SP140: variants seen among roughly 807,000 people sequenced by gnomAD.
The protein encoded by SP140 is nuclear body protein SP140.
Under a neutral mutation model 125.0 loss-of-function variants are expected in SP140, and 81 were observed. The ratio of observed to expected loss-of-function variants is 0.65; its 90% CI spans 0.54 to 0.78. SP140 has a LOEUF of 0.78. SP140 is among the 30% of genes least tolerant of loss of function. SP140 has a pLI of 0.00. For missense variants in SP140, 858 were observed against 1,037.0 expected, an observed-to-expected ratio of 0.83 and a Z score of 2.37; for synonymous variants, 312 against 354.0, an observed-to-expected ratio of 0.88 and a Z score of 1.33.
downstream of SP140, among the ~76,000 whole-genome samples, chr2:230,314,600 T>C (rs1339893880): frequency 6.6e-6 from 1 of 152,174 alleles, no homozygotes; most frequent in Non-Finnish European, 1.5e-5. Context: ...ACACATTAAA[T>C]CAAGTGGAAG....
At chr2:230,302,978 A>C (rs1327444319) in intron 22 of SP140, among the ~76,000 whole-genome samples, 1 of 152,190 alleles carries the variant, frequency 6.6e-6, no homozygotes, top group Non-Finnish European at 1.5e-5. Context: ...CAAATAGACA[A>C]TCTAAGTTCA....
rs1349741213 is a variant in SP140, at chr2:230,287,741, T to C, written c.1646-151T>C. The C allele has an allele frequency of 2.1e-5, 12 of 570,518 alleles. No homozygotes were observed. The South Asian group carries it at 4.2e-4, about 20-fold the overall frequency. The allele number at this position is 570,518 out of a possible 1,614,324, so 35.3% of individuals were successfully genotyped here. ...AACCTAACATTAGCTATCTAATTCT[T>C]CATACCTTAAAGGCTAGGGTTTAAA... On this transcript the variant is annotated intron_variant, in intron 17 of 26. Coordinates refer to ENST00000392045, the MANE Select transcript of SP140 (RefSeq NM_007237.5).
intron 9 of SP140, among the ~76,000 whole-genome samples, chr2:230,249,969 C>T (rs753491265): frequency 7.2e-5 from 11 of 152,316 alleles, no homozygotes; most frequent in Admixed American, 3.3e-4. Flanking sequence ...TACATGTCTG[C>T]GATGCAGACC....
At chr2:230,291,690 G>T (rs2149484852) in intron 19 of SP140, among the ~76,000 whole-genome samples, 1 of 152,182 alleles carries the variant, frequency 6.6e-6, no homozygotes, top group East Asian at 1.9e-4. Context: ...TCCACTCTTT[G>T]GCTATTATAA....
chr2:230,253,434 T>C lies in SP140; in HGVS notation c.1159+17T>C, dbSNP rs1451258973. ...AAGGAGAAGGTAATTATGATGTACA[T>C]TTTTAGGTATTTGAGTACATCTTTG... is the stretch of plus-strand genomic sequence containing the variant. On this transcript the variant is annotated intron_variant, in intron 11 of 26. Coordinates refer to ENST00000392045, the MANE Select transcript of SP140 (RefSeq NM_007237.5). 1 of 1,551,048 alleles carries C rather than the reference T, an allele frequency of 6.4e-7. No homozygotes were observed. Among genetic ancestry groups the C allele is most frequent in the Admixed American group, 1.7e-5 (1 of 59,900 alleles).
chr2:230,262,775 C>A (rs1390782914), intron 12 of SP140, among the ~76,000 whole-genome samples: 1 of 152,014 alleles, frequency 6.6e-6, no homozygotes, highest in Non-Finnish European at 1.5e-5. Context: ...TTTGGAGGTG[C>A]CTTTTGGAGT....
upstream of SP140, chr2:230,221,619 T>C (rs2148982140): frequency 7.8e-7 from 1 of 1,284,804 alleles, no homozygotes; most frequent in Non-Finnish European, 1.1e-6. Flanking sequence ...TGCCTCAGCA[T>C]GCAGTAACAT....
At chr2:230,253,205 C>A (rs1478118132) in intron 10 of SP140, 111 bp from the exon 11 acceptor site, 3 of 754,872 alleles carry the variant, frequency 4.0e-6, no homozygotes, top group South Asian at 1.6e-5. Context: ...GGAGATGTAA[C>A]AAGATGGAGA....
Position 230,238,271 on chromosome 2 carries a change from T to A in SP140, c.296T>A (p.Leu99His), listed in dbSNP as rs1426948643. The A allele has an allele frequency of 6.2e-7, 1 of 1,613,652 alleles. No homozygotes were observed. The highest frequency in any genetic ancestry group is 8.5e-7 in the Non-Finnish European group (1 of 1,179,676). ...GTGACAAGAGTGATGTATTGTGTACTCAGTGAACTGGAGAAGACATTTGGC... is the reference window on the plus strand; with the variant it reads ...GTGACAAGAGTGATGTATTGTGTACACAGTGAACTGGAGAAGACATTTGGC... ...VPVTRVMYCVLSELEKTFGWS... is the reference protein window; with the variant it reads ...VPVTRVMYCVHSELEKTFGWS... The change falls in exon 3 of 27, where the codon CTC (leucine) becomes CAC (histidine). Residue 99 changes from leucine (L) to histidine (H), a missense_variant. This residue lies in a region of SP140 where 791 missense variants were observed against 869.5 expected (regional missense o/e 0.91). Coordinates refer to ENST00000392045, the MANE Select transcript of SP140 (RefSeq NM_007237.5).
chr2:230,198,606 C>CT (rs1439921461), upstream of SP140, among the ~76,000 whole-genome samples: 1 of 149,638 alleles, frequency 6.7e-6, no homozygotes, highest in Non-Finnish European at 1.5e-5. Context: ...ATTTTTTTTT[C>CT]TTTTTTGAGA....
chr2:230,212,575 T>A, intron 1 of SP140: 1 of 1,056,752 alleles, frequency 9.5e-7, no homozygotes, highest in Non-Finnish European at 1.5e-6. Flanking sequence ...GCAGGTGTTC[T>A]GGACTCTAGG....
At chr2:230,224,870 C>G (rs1312177253), upstream of SP140, among the ~76,000 whole-genome samples, 1 of 152,190 alleles carries the variant, frequency 6.6e-6, no homozygotes, top group African/African-American at 2.4e-5. Flanking sequence ...GCCTGGATTT[C>G]TAGTCCTGTG....
chr2:230,274,452 G>A (rs2054409208), intron 15 of SP140, among the ~76,000 whole-genome samples: 1 of 152,158 alleles, frequency 6.6e-6, no homozygotes, highest in South Asian at 2.1e-4. Flanking sequence ...TGTGGAGATG[G>A]ATGCAGGGGT....
intron 22 of SP140, among the ~76,000 whole-genome samples, chr2:230,299,312 T>C (rs574582611): frequency 6.6e-6 from 1 of 152,304 alleles, no homozygotes; most frequent in East Asian, 1.9e-4. Flanking sequence ...ATATCCTCAC[T>C]GGGGAACCTG....
At chr2:230,279,624 TA>T (rs1346373370) in intron 15 of SP140, among the ~76,000 whole-genome samples, 2 of 152,204 alleles carry the variant, frequency 1.3e-5, no homozygotes. Flanking sequence ...GTAATTTGCA[TA>T]AAACAAATTC....
rs553277668 is a variant in SP140, at chr2:230,273,890, G to A, written c.1498+3251G>A. On this transcript the variant is annotated intron_variant, in intron 15 of 26. Transcript: ENST00000392045. Reference sequence around the variant, plus strand: ...CATGTTCTCACTTATAAGTGGTAACGAAATGATGAGAACACATGAACACCT... The same window carrying A: ...CATGTTCTCACTTATAAGTGGTAACAAAATGATGAGAACACATGAACACCT... Among the ~76,000 whole-genome samples the A allele has an allele frequency of 5.3e-5, 8 of 152,206 alleles. No homozygotes were observed. In the East Asian group the frequency reaches 1.4e-3, roughly 26 times the overall value.
At chr2:230,287,354 C>T (rs2056516343) in intron 17 of SP140, among the ~76,000 whole-genome samples, 1 of 152,164 alleles carries the variant, frequency 6.6e-6, no homozygotes, top group Admixed American at 6.5e-5. Flanking sequence ...CTATGGGACA[C>T]CTAATAGGGT....
chr2:230,199,725 G>A (rs778570366), upstream of SP140, among the ~76,000 whole-genome samples: 5 of 151,904 alleles, frequency 3.3e-5, no homozygotes, highest in Non-Finnish European at 7.4e-5. Context: ...CTCTGCCCTG[G>A]GAGATTTTCC....
chr2:230,212,452 T>C (rs1489856325), intron 1 of SP140: 1 of 1,551,808 alleles, frequency 6.4e-7, no homozygotes, highest in Non-Finnish European at 8.9e-7. Context: ...AAGGAAATTA[T>C]TACAGATTGC....
Sources: allele counts gnomAD v4.1 joint callset (sites outside exome capture counted in the v4.1 genomes callset), GRCh38; gene constraint gnomAD v4.1.1; regional missense constraint gnomAD v4.1.1; transcripts MANE v1.5; gene names NCBI Gene and HGNC (gene_info 2026-07-23, HGNC 2026-07-21).